PSD3: variants seen among roughly 807,000 people sequenced by gnomAD.
PSD3 encodes PH and SEC7 domain-containing protein 3.
In PSD3, 49 loss-of-function variants were observed where a neutral mutation model predicts 105.5. The ratio of observed to expected loss-of-function variants is 0.46; its 90% confidence interval spans 0.37 to 0.59. The LOEUF (loss-of-function observed/expected upper bound fraction) is 0.59, where lower values mean the gene tolerates loss of function less well. Among genes scored for constraint, PSD3 ranks in the 20% least tolerant of loss-of-function variants. The pLI, the probability that PSD3 is intolerant of heterozygous loss-of-function variation, is 0.00. For missense variants in PSD3, 1,561 were observed against 1,263.8 expected (o/e 1.24, Z -3.57); for synonymous variants, 557 against 457.8 (o/e 1.22, Z -2.77).
intron 10 of PSD3, among the ~76,000 whole-genome samples, chr8:18,637,945 C>T (rs1044861143): frequency 3.3e-5 from 5 of 152,164 alleles, no homozygotes; most frequent in African/African-American, 9.6e-5. Flanking sequence ...ATCACAAGGT[C>T]AGGAGTTCAA....
chr8:18,944,615 T>C (rs1469257116), intron 1 of PSD3, among the ~76,000 whole-genome samples: 1 of 107,080 alleles, frequency 9.3e-6, no homozygotes, highest in Non-Finnish European at 2.1e-5. Context: ...AATAAATAAA[T>C]AAATAAAGTT....
chr8:18,581,969 G>A (rs980794620), intron 12 of PSD3, among the ~76,000 whole-genome samples: 1 of 152,188 alleles, frequency 6.6e-6, no homozygotes, highest in Non-Finnish European at 1.5e-5. Flanking sequence ...GTGTAACTCA[G>A]AGAAGCAAAA....
chr8:18,769,489 T>C (rs1191602421), intron 8 of PSD3, among the ~76,000 whole-genome samples: 1 of 152,224 alleles, frequency 6.6e-6, no homozygotes, highest in East Asian at 1.9e-4. Flanking sequence ...TCATCTTTAT[T>C]AAAATACAAT....
At chr8:18,671,900 G>C (rs1489180573) in intron 9 of PSD3, among the ~76,000 whole-genome samples, 1 of 152,096 alleles carries the variant, frequency 6.6e-6, no homozygotes, top group Non-Finnish European at 1.5e-5. Context: ...CAAAGTGCTG[G>C]AATTACAGGC....
At position 18,840,874 on chromosome 8, in the gene PSD3, C is replaced by T. The variant is rs374469873; in HGVS notation, c.1634+26800G>A. On this transcript the variant is annotated intron_variant, in intron 4 of 15. Coordinates refer to ENST00000327040, the MANE Select transcript of PSD3 (RefSeq NM_015310.4). The stretch of plus-strand genomic sequence containing the variant: ...ATTCTAGTTCCAATTTCACTATTAA[C>T]GGTGTGACATTGGGCAAGTTGTCTT... 7.8e-4 allele frequency among the ~76,000 whole-genome samples: 119 copies of T among 152,264 alleles called. 2 individuals carry two copies. The South Asian group carries it at 0.024, about 31-fold the overall frequency.
intron 1 of PSD3, among the ~76,000 whole-genome samples, chr8:19,045,525 G>A (rs768627280): frequency 9.7e-4 from 148 of 152,300 alleles, no homozygotes; most frequent in Middle Eastern, 3.4e-3. Context: ...TCTTGAAAGC[G>A]GCAGTGCTCA....
intron 2 of PSD3, among the ~76,000 whole-genome samples, chr8:18,928,899 C>T (rs1423180421): frequency 1.3e-5 from 2 of 151,930 alleles, no homozygotes; most frequent in African/African-American, 2.4e-5. Flanking sequence ...CCAGACTGGA[C>T]TTGAACTCCT....
intron 4 of PSD3, among the ~76,000 whole-genome samples, chr8:18,854,855 T>TA (rs34078115): frequency 0.082 from 12,512 of 152,286 alleles, 536 homozygotes; most frequent in South Asian, 0.17. Flanking sequence ...AGTTTTGTTT[T>TA]TTCTGCTCGT....
intron 9 of PSD3, among the ~76,000 whole-genome samples, chr8:18,753,062 C>T (rs138027293): frequency 1.1e-3 from 164 of 151,954 alleles, no homozygotes; most frequent in Middle Eastern, 3.4e-3. Flanking sequence ...TTTTTCTCAA[C>T]AGTCTGGGGT....
chr8:18,792,886 T>C (rs990096382), intron 8 of PSD3, among the ~76,000 whole-genome samples: 6 of 152,192 alleles, frequency 3.9e-5, no homozygotes, highest in African/African-American at 9.7e-5. Flanking sequence ...CTTATGTTTA[T>C]TGCGGCACTA....
intron 1 of PSD3, among the ~76,000 whole-genome samples, chr8:19,051,092 G>A (rs1828512881): frequency 6.6e-6 from 1 of 152,054 alleles, no homozygotes; most frequent in South Asian, 2.1e-4. Flanking sequence ...CTGCAGCTAG[G>A]GTGCACATCT....
At chr8:18,859,225 T>C (rs1816250348) in intron 4 of PSD3, among the ~76,000 whole-genome samples, 1 of 67,750 alleles carries the variant, frequency 1.5e-5, no homozygotes. Flanking sequence ...AAAGAAATCC[T>C]TTTTTTTTTT....
At chr8:18,907,000 A>G (rs1819890758) in intron 2 of PSD3, among the ~76,000 whole-genome samples, 1 of 152,202 alleles carries the variant, frequency 6.6e-6, no homozygotes, top group South Asian at 2.1e-4. Context: ...AAAAGCTTAT[A>G]GAATAAGAAA....
intron 1 of PSD3, among the ~76,000 whole-genome samples, chr8:18,990,442 T>C (rs1248602153): frequency 6.6e-6 from 1 of 152,238 alleles, no homozygotes; most frequent in Non-Finnish European, 1.5e-5. Flanking sequence ...TTGTGCTTGA[T>C]ATTCCTCTGT....
chr8:18,896,249 G>C (rs1167445645), intron 2 of PSD3, among the ~76,000 whole-genome samples: 1 of 152,024 alleles, frequency 6.6e-6, no homozygotes, highest in African/African-American at 2.4e-5. Flanking sequence ...TCCCCTTCTT[G>C]GTTATTGTGA....
rs569488699 is a variant in PSD3 at position 18,837,008 on chromosome 8, G to A, written c.1634+30666C>T. Among the ~76,000 whole-genome samples the A allele has an allele frequency of 3.7e-3, 552 of 150,854 alleles. 1 individual carries two copies. The highest frequency in any genetic ancestry group is 5.4e-3 in the Non-Finnish European group (366 of 67,800). ...CTTGCTCAAATCAAGTTTTGTTTCC[G>A]GTTTGATCTGATGGCAAGGCTTTTA... On this transcript the variant is annotated intron_variant, in intron 4 of 15. Transcript: ENST00000327040.
chr8:18,954,532 ACCAT>A (rs745421536), intron 1 of PSD3, among the ~76,000 whole-genome samples: 15 of 152,102 alleles, frequency 9.9e-5, no homozygotes, highest in South Asian at 8.3e-4. Context: ...GAAGCAATCA[ACCAT>A]CCATCCATCC....
intron 9 of PSD3, among the ~76,000 whole-genome samples, chr8:18,672,015 A>T (rs1799814942): frequency 6.6e-6 from 1 of 152,188 alleles, no homozygotes; most frequent in Admixed American, 6.5e-5. Flanking sequence ...TTAGACAGCT[A>T]AACCATATCA....
At position 18,995,886 on chromosome 8, in the gene PSD3, T is replaced by C. The variant is rs7823584; in HGVS notation, c.21+17677A>G. Among the ~76,000 whole-genome samples, 801 of 152,018 alleles carry C rather than the reference T, an allele frequency of 5.3e-3. 6 individuals carry two copies. Among genetic ancestry groups the C allele is most frequent in the African/African-American group, 0.018 (763 of 41,506 alleles). On this transcript the variant is annotated intron_variant, in intron 1 of 15. Transcript: ENST00000327040. ...AGGTCCCTCCCATGACACGTGGGGA[T>C]TATGGGAGCTACAACTCAAGACCAG... is the stretch of plus-strand genomic sequence containing the variant.
Sources: gnomAD v4.1 joint callset for allele counts (sites outside exome capture counted in the v4.1 genomes callset) on GRCh38, gnomAD v4.1.1 for gene constraint, MANE v1.5 for transcripts, NCBI Gene and HGNC (gene_info 2026-07-23, HGNC 2026-07-21) for gene names.